Variants in PPFIA4 observed in about 807,000 individuals in gnomAD.
The protein encoded by PPFIA4 is PPFI scaffold protein A4, also known as liprin-alpha-4.
Under a neutral mutation model 145.7 loss-of-function variants are expected in PPFIA4, and 98 were observed. The observed-to-expected ratio is 0.67, with a 90% confidence interval of 0.57 to 0.80. The LOEUF is 0.80. PPFIA4 is among the 30% of genes least tolerant of loss of function. The pLI, the probability that PPFIA4 is intolerant of heterozygous loss-of-function variation, is 0.00. For synonymous variants in PPFIA4, 628 were observed against 649.6 expected (o/e 0.97, Z 0.51); for missense variants, 1,457 against 1,632.7 (o/e 0.89, Z 1.85).
rs747865573 is a variant in PPFIA4 at position 203,044,045 on chromosome 1, C to G, written c.451C>G (p.Leu151Val). Residue 151 changes from leucine (L) to valine (V), a missense_variant, in exon 4 of 30, where the codon CTG (leucine) becomes GTG (valine). Transcript: ENST00000295706. ...GGGGGTCTCCAGTGAGGTGGAGGTGCTGAAGGCCCTCAAGTCACTGTTTGA... is the reference window on the plus strand; with the variant it reads ...GGGGGTCTCCAGTGAGGTGGAGGTGGTGAAGGCCCTCAAGTCACTGTTTGA... ...PSGVSSEVEV[L>V]KALKSLFEHH... 9 of 1,611,518 alleles carry G rather than the reference C, an allele frequency of 5.6e-6. No homozygotes were observed. The East Asian group carries it at 2.0e-4, about 36-fold the overall frequency.
chr1:203,076,495 G>C lies in PPFIA4; in HGVS notation c.*105G>C. 1.7e-6 allele frequency: 2 copies of C among 1,184,680 alleles called. No homozygotes were observed. Among genetic ancestry groups the C allele is most frequent in the African/African-American group, 1.5e-5 (1 of 66,432 alleles). The allele number at this position is 1,184,680 out of a possible 1,614,324, so 73.4% of individuals were successfully genotyped here. On this transcript the variant is annotated 3_prime_UTR_variant, in exon 30 of 30. Transcript: ENST00000295706. ...CCTTCCGCAGCTCCTAGTCTCGTCC[G>C]TGACTTTCCGGTTGCCCTGGATCTC...
At chr1:203,052,273 C>T (rs1217961405) in intron 14 of PPFIA4, among the ~76,000 whole-genome samples, 1 of 152,084 alleles carries the variant, frequency 6.6e-6, no homozygotes, top group Admixed American at 6.5e-5. Context: ...GGAGGGATGA[C>T]AGGTTAACTG....
rs1056408103 is a variant in PPFIA4 at position 203,075,628 on chromosome 1, C to G, written c.3445C>G (p.Pro1149Ala). 7 of 1,485,502 alleles carry G rather than the reference C, an allele frequency of 4.7e-6. No homozygotes were observed. The highest frequency in any genetic ancestry group is 6.3e-6 in the Non-Finnish European group (7 of 1,116,912). The allele number at this position is 1,485,502 out of a possible 1,614,324, so 92.0% of individuals were successfully genotyped here. A position where few individuals can be genotyped will look rare whatever the true frequency, so the allele number is the denominator to read the frequency against. Reference sequence around the variant, plus strand: ...GCCCTCCTGGAGGAAGCGCTTCCGGCCGCGGGAGCACCACGGTCGCGGCGG... The same window carrying G: ...GCCCTCCTGGAGGAAGCGCTTCCGGGCGCGGGAGCACCACGGTCGCGGCGG... ...RAPSWRKRFR[P>A]REHHGRGGML... Residue 1149 changes from proline to alanine, a missense_variant, in exon 29 of 30, where the codon CCG (proline) becomes GCG (alanine). By Grantham distance (27) the Pro-to-Ala change is conservative. This residue lies in a region of PPFIA4 where 146 missense variants were observed against 126.2 expected (regional missense o/e 1.16). Transcript: ENST00000295706. The surrounding 1 kb of genome is among the most constrained non-coding windows in gnomAD (Gnocchi z 4.1).
In PPFIA4 at chr1:203,076,475, C is replaced by A; in HGVS notation, c.*85C>A. 2 of 1,333,728 alleles carry A rather than the reference C, an allele frequency of 1.5e-6. No homozygotes were observed. The highest frequency in any genetic ancestry group is 1.1e-6 in the Non-Finnish European group (1 of 937,678). 82.6% of individuals were successfully genotyped at this position (1,333,728 alleles called of 1,614,324 possible). On this transcript the variant is annotated 3_prime_UTR_variant, in exon 30 of 30. Transcript: ENST00000295706. ...CCCTCTTGCTCGTTCCCCTTCCTTC[C>A]GCAGCTCCTAGTCTCGTCCGTGACT...
chr1:203,051,065 G>T, intron 13 of PPFIA4: 1 of 890,584 alleles, frequency 1.1e-6, no homozygotes, highest in Non-Finnish European at 1.3e-6. Context: ...CTCCCTCAAG[G>T]GTTCCAAGTA....
intron 6 of PPFIA4, among the ~76,000 whole-genome samples, chr1:203,045,160 C>G (rs1481826908): frequency 1.3e-5 from 2 of 152,140 alleles, no homozygotes; most frequent in Admixed American, 1.3e-4. Context: ...TCAAGAGAGA[C>G]AAAGGATAGC....
chr1:203,075,199 G>A lies in PPFIA4; in HGVS notation c.3394-378G>A, dbSNP rs935058411. ...GGACAGGACAGTGTGTATAGGGACCGGCTGTCACCTCCCATGGGCTGAGGC... is the reference window on the plus strand; with the variant it reads ...GGACAGGACAGTGTGTATAGGGACCAGCTGTCACCTCCCATGGGCTGAGGC... On this transcript the variant is annotated intron_variant, in intron 28 of 29. Transcript: ENST00000295706. The surrounding 1 kb of genome is among the most constrained non-coding windows in gnomAD (Gnocchi z 4.1). 2.6e-5 allele frequency among the ~76,000 whole-genome samples: 4 copies of A among 152,024 alleles called. No individual in the cohort carries two copies. Among genetic ancestry groups the A allele is most frequent in the Admixed American group, 1.3e-4 (2 of 15,268 alleles).
intron 1 of PPFIA4, chr1:203,037,238 T>C (rs1388146298): frequency 1.2e-5 from 4 of 332,932 alleles, no homozygotes; most frequent in African/African-American, 4.3e-5. Context: ...TTTTCCCTGC[T>C]GGGTTCAGTC....
intron 15 of PPFIA4, among the ~76,000 whole-genome samples, chr1:203,054,732 A>G (rs1028789853): frequency 6.6e-6 from 1 of 152,168 alleles, no homozygotes; most frequent in Admixed American, 6.5e-5. Context: ...AGAGAAAGGT[A>G]CAAACGTAGG....
intron 29 of PPFIA4, 198 bp from the exon 30 acceptor site, chr1:203,076,143 T>G (rs1438707690): frequency 3.1e-6 from 2 of 644,466 alleles, no homozygotes; most frequent in Admixed American, 2.8e-5. Context: ...CACCTGCCCT[T>G]GGCTGCCGGC....
intron 14 of PPFIA4, among the ~76,000 whole-genome samples, chr1:203,052,679 A>C (rs4950876): frequency 1.3e-5 from 2 of 151,954 alleles, no homozygotes; most frequent in African/African-American, 4.8e-5. Context: ...AGGAGCCTGA[A>C]GGGGAGCTAG....
intron 6 of PPFIA4, 41 bp downstream of exon 6, chr1:203,044,826 C>T: frequency 1.3e-6 from 2 of 1,533,836 alleles, no homozygotes; most frequent in Non-Finnish European, 1.8e-6. Context: ...CATGTGTTCC[C>T]CAAGGTGGGA....
chr1:203,076,495 G>T lies in PPFIA4; in HGVS notation c.*105G>T. ...CCTTCCGCAGCTCCTAGTCTCGTCCGTGACTTTCCGGTTGCCCTGGATCTC... is the reference window on the plus strand; with the variant it reads ...CCTTCCGCAGCTCCTAGTCTCGTCCTTGACTTTCCGGTTGCCCTGGATCTC... On this transcript the variant is annotated 3_prime_UTR_variant, in exon 30 of 30. Coordinates refer to ENST00000295706, the MANE Select transcript of PPFIA4 (RefSeq NM_001304331.2). 3 of 1,184,680 alleles carry T rather than the reference G, an allele frequency of 2.5e-6. No individual in the cohort carries two copies. Among genetic ancestry groups the T allele is most frequent in the Non-Finnish European group, 2.5e-6 (2 of 810,900 alleles). 73.4% of individuals were successfully genotyped at this position (1,184,680 alleles called of 1,614,324 possible). A position where few individuals can be genotyped will look rare whatever the true frequency, so the allele number is the denominator to read the frequency against.
chr1:203,043,303 G>A lies in PPFIA4; in HGVS notation c.235-94G>A, dbSNP rs1659828173. The A allele has an allele frequency of 1.9e-6, 2 of 1,071,400 alleles. No homozygotes were observed. Among genetic ancestry groups the A allele is most frequent in the Non-Finnish European group, 2.8e-6 (2 of 718,620 alleles). The allele number at this position is 1,071,400 out of a possible 1,614,324, so 66.4% of individuals were successfully genotyped here. On this transcript the variant is annotated intron_variant, in intron 2 of 29. Coordinates refer to ENST00000295706, the MANE Select transcript of PPFIA4 (RefSeq NM_001304331.2). This position sits in a 1 kb window ranked among gnomAD's most constrained non-coding sequence, Gnocchi z 4.4. ...TTGTGGGGGAGGTGGTGGAAGTAAG[G>A]GATGGGTGAGAGGATCCCACCACTG... is the stretch of plus-strand genomic sequence containing the variant.
At chr1:203,066,858 C>G (rs948831492) in intron 25 of PPFIA4, among the ~76,000 whole-genome samples, 1 of 152,206 alleles carries the variant, frequency 6.6e-6, no homozygotes, top group African/African-American at 2.4e-5. Flanking sequence ...ACAAAGATCC[C>G]TGCCCTCATG....
chr1:203,068,746 C>T lies in PPFIA4; in HGVS notation c.3324+118C>T, dbSNP rs1661916292. 15 of 1,084,602 alleles carry T rather than the reference C, an allele frequency of 1.4e-5. No homozygotes were observed. Among genetic ancestry groups the T allele is most frequent in the Non-Finnish European group, 1.8e-5 (14 of 798,972 alleles). The allele number at this position is 1,084,602 out of a possible 1,614,324, so 67.2% of individuals were successfully genotyped here. On this transcript the variant is annotated intron_variant, in intron 27 of 29. Transcript: ENST00000295706. The surrounding 1 kb of genome is among the most constrained non-coding windows in gnomAD (Gnocchi z 4.7). ...TGGGGGGTGGGGAGCTTTTCTAGGGCCTATGCCAGAGGGGATCGCAATGTC... is the reference window on the plus strand; with the variant it reads ...TGGGGGGTGGGGAGCTTTTCTAGGGTCTATGCCAGAGGGGATCGCAATGTC...
intron 20 of PPFIA4, 99 bp downstream of exon 20, chr1:203,059,370 C>G: frequency 9.9e-7 from 1 of 1,008,732 alleles, no homozygotes; most frequent in Non-Finnish European, 1.5e-6. Context: ...AGACCCAGAC[C>G]CCAGCAAGGC....
At chr1:203,034,390 G>C (rs1553253856) in intron 1 of PPFIA4, 1 of 451,704 alleles carries the variant, frequency 2.2e-6, no homozygotes, top group Non-Finnish European at 4.4e-6. Context: ...TGAGGGCCAG[G>C]CTTCTGGGGG....
chr1:203,072,479 C>T (rs977540534), intron 28 of PPFIA4, among the ~76,000 whole-genome samples: 1 of 152,218 alleles, frequency 6.6e-6, no homozygotes, highest in African/African-American at 2.4e-5. Flanking sequence ...GAGATGCCAA[C>T]CTAAGCATCC....
Sources: allele counts gnomAD v4.1 joint callset (sites outside exome capture counted in the v4.1 genomes callset), GRCh38; gene constraint gnomAD v4.1.1; regional missense constraint gnomAD v4.1.1; non-coding constraint Gnocchi (gnomAD v3.1); transcripts MANE v1.5; gene names NCBI Gene and HGNC (gene_info 2026-07-23, HGNC 2026-07-21).